STPG1: variants seen among roughly 807,000 people sequenced by gnomAD.
The protein encoded by STPG1 is O(6)-methylguanine-induced apoptosis 2.
STPG1 carries 33 observed loss-of-function variants against 40.1 expected under a neutral mutation model. That is an observed-to-expected ratio of 0.82 (90% CI 0.62 to 1.10). The LOEUF is 1.10. STPG1 is among the 50% of genes least tolerant of loss of function. STPG1 has a pLI of 0.00. For synonymous variants in STPG1, 150 were observed against 155.0 expected (o/e 0.97, Z 0.24); for missense variants, 396 against 415.1 (o/e 0.95, Z 0.40).
chr1:24,375,521 G>T (rs1430358009), intron 5 of STPG1, among the ~76,000 whole-genome samples: 3 of 152,306 alleles, frequency 2.0e-5, no homozygotes, highest in Middle Eastern at 3.4e-3. Flanking sequence ...GATGGGACAG[G>T]TTAATTACTG....
intron 2 of STPG1, among the ~76,000 whole-genome samples, chr1:24,400,881 G>A (rs1643196592): frequency 6.6e-6 from 1 of 152,194 alleles, no homozygotes; most frequent in South Asian, 2.1e-4. Flanking sequence ...TATTGGGAAA[G>A]TTCTGAACTT....
chr1:24,413,293 T>C (rs571106342), intron 1 of STPG1, among the ~76,000 whole-genome samples: 1 of 152,356 alleles, frequency 6.6e-6, no homozygotes, highest in East Asian at 1.9e-4. Flanking sequence ...CCCCCTGAGC[T>C]GGGGTGAACC....
intron 5 of STPG1, among the ~76,000 whole-genome samples, chr1:24,376,267 C>T (rs1226575464): frequency 6.6e-6 from 1 of 152,120 alleles, no homozygotes; most frequent in African/African-American, 2.4e-5. Context: ...GTGATCTGTC[C>T]ACCTTGGCCT....
At chr1:24,391,421 G>T in intron 3 of STPG1, 140 bp downstream of exon 3, 1 of 550,104 alleles carries the variant, frequency 1.8e-6, no homozygotes, top group Non-Finnish European at 3.2e-6. Context: ...GTGCCCCTCA[G>T]TGGAGCTGGT....
chr1:24,394,220 T>C (rs1642899321), intron 2 of STPG1, among the ~76,000 whole-genome samples: 1 of 152,192 alleles, frequency 6.6e-6, no homozygotes. Context: ...TCATAATTCA[T>C]GGAACATAGA....
chr1:24,406,094 A>C (rs766729175), intron 1 of STPG1, among the ~76,000 whole-genome samples: 6 of 149,530 alleles, frequency 4.0e-5, no homozygotes, highest in Non-Finnish European at 7.4e-5. Context: ...GCTGGGCTTA[A>C]ACCTATCAAT....
At chr1:24,385,303 C>T (rs1047619800) in intron 3 of STPG1, among the ~76,000 whole-genome samples, 9 of 152,312 alleles carry the variant, frequency 5.9e-5, no homozygotes, top group East Asian at 1.9e-4. Flanking sequence ...TGGGAGGTGA[C>T]GACAGGGGTG....
At chr1:24,397,316 T>C (rs1643045963) in intron 2 of STPG1, among the ~76,000 whole-genome samples, 2 of 152,146 alleles carry the variant, frequency 1.3e-5, no homozygotes, top group African/African-American at 4.8e-5. Context: ...TGAACAAAAC[T>C]ATTACCTAAC....
chr1:24,391,211 AT>A (rs57271648), intron 3 of STPG1: 28 of 159,306 alleles, frequency 1.8e-4, no homozygotes, highest in Middle Eastern at 2.8e-3. Flanking sequence ...GATGGGGAAG[AT>A]TTTTTTTTAA....
intron 2 of STPG1, among the ~76,000 whole-genome samples, chr1:24,398,861 A>G (rs1002310012): frequency 2.0e-5 from 3 of 152,184 alleles, no homozygotes; most frequent in African/African-American, 4.8e-5. Context: ...GGATCTATAC[A>G]TGGATTAGAG....
At chr1:24,377,253 T>TA (rs1213719756) in intron 5 of STPG1, among the ~76,000 whole-genome samples, 2 of 150,702 alleles carry the variant, frequency 1.3e-5, no homozygotes, top group Admixed American at 6.6e-5. Flanking sequence ...AGACTCCATC[T>TA]AAAAAAAAAG....
intron 2 of STPG1, chr1:24,391,882 C>A: frequency 7.6e-7 from 1 of 1,311,156 alleles, no homozygotes; most frequent in Non-Finnish European, 9.7e-7. Context: ...GGACTTCCCC[C>A]CTCCAGCTCT....
chr1:24,411,323 C>A (rs963944095), intron 1 of STPG1, among the ~76,000 whole-genome samples: 1 of 152,150 alleles, frequency 6.6e-6, no homozygotes, highest in Non-Finnish European at 1.5e-5. Flanking sequence ...AGGCTTTGAA[C>A]TCAGGAAGTC....
rs1557711296 is a variant in STPG1 at position 24,358,037 on chromosome 1, GC to G, written c.*505del. ...CATCACCTGCCTGCAGGTAGCTTTC[GC>G]CCAGTAGACATACCGTAAGTGAGTG... is the stretch of plus-strand genomic sequence containing the variant. On this transcript the variant is annotated 3_prime_UTR_variant, in exon 9 of 9. Coordinates refer to ENST00000337248, the MANE Select transcript of STPG1 (RefSeq NM_001199013.2). 1 of 359,910 alleles carries G rather than the reference GC, an allele frequency of 2.8e-6. No individual in the cohort carries two copies. The highest frequency in any genetic ancestry group is 7.4e-5 in the East Asian group (1 of 13,520). The allele number at this position is 359,910 out of a possible 1,614,324, so 22.3% of individuals were successfully genotyped here.
intron 1 of STPG1, chr1:24,411,589 C>T (rs1557468279): frequency 6.6e-6 from 1 of 152,120 alleles, no homozygotes; most frequent in Non-Finnish European, 1.5e-5. Context: ...CTACAGACAC[C>T]TGCCACCACA....
At chr1:24,370,237 G>A (rs1008812513) in intron 6 of STPG1, among the ~76,000 whole-genome samples, 2 of 151,910 alleles carry the variant, frequency 1.3e-5, no homozygotes, top group African/African-American at 4.8e-5. Flanking sequence ...TGACAACAGA[G>A]TTGTTATGAC....
chr1:24,403,950 A>G (rs1643321601), intron 1 of STPG1, among the ~76,000 whole-genome samples: 2 of 152,024 alleles, frequency 1.3e-5, no homozygotes, highest in South Asian at 4.1e-4. Context: ...TTTTATTGTA[A>G]TACTGCAATG....
rs144372645 is a variant in STPG1, at chr1:24,404,805, G to A, written c.-68-3349C>T. Among the ~76,000 whole-genome samples the A allele has an allele frequency of 6.6e-5, 10 of 152,092 alleles. No homozygotes were observed. In the South Asian group the frequency reaches 1.7e-3, roughly 25 times the overall value. ...GTTTTACATATTTTTGTTAAGTCTC[G>A]CTATAGGTTTACCAATGTATTGATT... On this transcript the variant is annotated intron_variant, in intron 1 of 8. Coordinates refer to ENST00000337248, the MANE Select transcript of STPG1 (RefSeq NM_001199013.2).
intron 3 of STPG1, among the ~76,000 whole-genome samples, chr1:24,387,294 T>C (rs1642554788): frequency 1.3e-5 from 2 of 152,144 alleles, no homozygotes; most frequent in African/African-American, 4.8e-5. Flanking sequence ...TGCTCATGGA[T>C]GGATGTGTGG....
Sources: gnomAD v4.1 joint callset for allele counts (sites outside exome capture counted in the v4.1 genomes callset) on GRCh38, gnomAD v4.1.1 for gene constraint, MANE v1.5 for transcripts, NCBI Gene and HGNC (gene_info 2026-07-23, HGNC 2026-07-21) for gene names.